Variants in LRMDA observed in about 807,000 individuals in gnomAD.
LRMDA encodes leucine-rich melanocyte differentiation-associated protein.
A neutral mutation model predicts 29.8 loss-of-function variants in LRMDA; 18 were observed. The ratio of observed to expected loss-of-function variants is 0.60; its 90% CI spans 0.42 to 0.90. The LOEUF is 0.90. Ranked by LOEUF, LRMDA falls within the 40% of genes least tolerant of loss-of-function variation. The pLI is 0.00. For synonymous variants in LRMDA, 125 were observed against 109.4 expected, an observed-to-expected ratio of 1.14 and a Z score of -0.89; for missense variants, 273 against 273.9, an observed-to-expected ratio of 1.00 and a Z score of 0.02.
At chr10:76,001,480 A>G (rs774123270) in intron 2 of LRMDA, among the ~76,000 whole-genome samples, 38 of 152,196 alleles carry the variant, frequency 2.5e-4, no homozygotes, top group Non-Finnish European at 8.8e-5. Flanking sequence ...TCATTTTTAT[A>G]GTTTTGAAGT....
intron 5 of LRMDA, among the ~76,000 whole-genome samples, chr10:76,171,670 T>C (rs76647307): frequency 1.3e-5 from 2 of 152,178 alleles, no homozygotes; most frequent in Admixed American, 1.3e-4. Context: ...GGGTGATTCT[T>C]TAAGTTGGTG....
At chr10:76,440,894 T>C (rs1191679854) in intron 6 of LRMDA, among the ~76,000 whole-genome samples, 1 of 152,206 alleles carries the variant, frequency 6.6e-6, no homozygotes, top group Non-Finnish European at 1.5e-5. Flanking sequence ...CCCTTCATCA[T>C]GTGTCTATGA....
At chr10:76,098,772 A>G (rs1002214844) in intron 5 of LRMDA, among the ~76,000 whole-genome samples, 1 of 152,178 alleles carries the variant, frequency 6.6e-6, no homozygotes, top group Admixed American at 6.5e-5. Flanking sequence ...GGGAGACTGG[A>G]GTTTTATTAT....
chr10:75,457,966 G>T (rs936686373), intron 2 of LRMDA, among the ~76,000 whole-genome samples: 2 of 152,158 alleles, frequency 1.3e-5, no homozygotes, highest in Non-Finnish European at 2.9e-5. Context: ...AGAAGCTGGG[G>T]TATTTCTGGC....
intron 2 of LRMDA, among the ~76,000 whole-genome samples, chr10:75,800,139 T>C (rs1843723306): frequency 6.6e-6 from 1 of 152,220 alleles, no homozygotes; most frequent in Admixed American, 6.5e-5. Flanking sequence ...GTCTAGTTTT[T>C]GTGTCATCTG....
At chr10:75,485,021 G>T (rs1458821842) in intron 2 of LRMDA, among the ~76,000 whole-genome samples, 1 of 152,208 alleles carries the variant, frequency 6.6e-6, no homozygotes, top group African/African-American at 2.4e-5. Flanking sequence ...AGTTCAGATA[G>T]AATTTGTTAT....
chr10:76,119,172 G>A (rs775153441), intron 5 of LRMDA, among the ~76,000 whole-genome samples: 2 of 151,868 alleles, frequency 1.3e-5, no homozygotes, highest in Non-Finnish European at 2.9e-5. Context: ...TTGTAAAAGA[G>A]GAGGCATTTG....
At chr10:76,072,219 C>G (rs999030172) in intron 5 of LRMDA, among the ~76,000 whole-genome samples, 3 of 152,106 alleles carry the variant, frequency 2.0e-5, no homozygotes, top group Non-Finnish European at 2.9e-5. Flanking sequence ...CTGAGTATAT[C>G]GAAGATGCAG....
At chr10:75,947,341 G>A (rs1312012815) in intron 2 of LRMDA, among the ~76,000 whole-genome samples, 1 of 152,208 alleles carries the variant, frequency 6.6e-6, no homozygotes, top group Non-Finnish European at 1.5e-5. Context: ...CTGATGAGCT[G>A]AGATCACAGG....
rs71024568 is a variant in LRMDA, at chr10:75,802,932, A to ATG, written c.132-233054_132-233053dup. Among the ~76,000 whole-genome samples the ATG allele has an allele frequency of 6.0e-3, 821 of 136,044 alleles. 7 individuals are homozygous for ATG. The highest frequency in any genetic ancestry group is 0.017 in the African/African-American group (619 of 37,014). 89.3% of individuals were successfully genotyped at this position (136,044 alleles called of 152,430 possible). A position where few individuals can be genotyped will look rare whatever the true frequency, so the allele number is the denominator to read the frequency against. On this transcript the variant is annotated intron_variant, in intron 2 of 6. Coordinates refer to ENST00000611255, the MANE Select transcript of LRMDA (RefSeq NM_001305581.2). Reference sequence around the variant, plus strand: ...GACCTGATGCATGCATTAATACATTATGTGTGTGTGTGTGTGTGTGTGTAT... The same window carrying ATG: ...GACCTGATGCATGCATTAATACATTATGTGTGTGTGTGTGTGTGTGTGTGTAT...
At chr10:75,990,949 T>C (rs947706994) in intron 2 of LRMDA, among the ~76,000 whole-genome samples, 1 of 152,140 alleles carries the variant, frequency 6.6e-6, no homozygotes, top group Non-Finnish European at 1.5e-5. Context: ...AAGTCTTCCC[T>C]AAGTTAGTAC....
intron 6 of LRMDA, among the ~76,000 whole-genome samples, chr10:76,412,201 A>G (rs1841969226): frequency 6.6e-6 from 1 of 152,166 alleles, no homozygotes; most frequent in African/African-American, 2.4e-5. Flanking sequence ...TGGTTAAGAA[A>G]AGGTGCTTGT....
chr10:76,130,310 C>A (rs1458052485), intron 5 of LRMDA, among the ~76,000 whole-genome samples: 1 of 152,100 alleles, frequency 6.6e-6, no homozygotes, highest in African/African-American at 2.4e-5. Context: ...AGTAAGGAAC[C>A]CCATTTGGGT....
At chr10:75,737,077 ACG>A (rs1491130020) in intron 2 of LRMDA, among the ~76,000 whole-genome samples, 1 of 151,454 alleles carries the variant, frequency 6.6e-6, no homozygotes, top group African/African-American at 2.4e-5. Flanking sequence ...ACACACACAC[ACG>A]CACATGCATG....
chr10:76,176,360 T>C (rs1240583921), intron 5 of LRMDA, among the ~76,000 whole-genome samples: 1 of 152,152 alleles, frequency 6.6e-6, no homozygotes, highest in African/African-American at 2.4e-5. Context: ...TGAATACCGA[T>C]TACAATAGAA....
At chr10:75,637,085 T>C (rs1367121398) in intron 2 of LRMDA, among the ~76,000 whole-genome samples, 1 of 152,242 alleles carries the variant, frequency 6.6e-6, no homozygotes. Context: ...CAATTTGAGG[T>C]TCTACAGAAA....
intron 2 of LRMDA, among the ~76,000 whole-genome samples, chr10:75,933,337 C>G (rs1456323844): frequency 1.3e-5 from 2 of 152,132 alleles, no homozygotes. Context: ...TGATTCATTA[C>G]TAATGGAGAA....
chr10:76,204,290 T>C (rs1406430014), intron 5 of LRMDA, among the ~76,000 whole-genome samples: 1 of 138,944 alleles, frequency 7.2e-6, no homozygotes, highest in African/African-American at 2.7e-5. Context: ...TTCATGTGCC[T>C]GTCCACCCAT....
At chr10:75,775,451 A>C (rs2132238164) in intron 2 of LRMDA, among the ~76,000 whole-genome samples, 1 of 152,348 alleles carries the variant, frequency 6.6e-6, no homozygotes, top group East Asian at 1.9e-4. Context: ...CAGCTTGCAA[A>C]GAAATGAGCG....
Sources: gnomAD v4.1 joint callset for allele counts (sites outside exome capture counted in the v4.1 genomes callset) on GRCh38, gnomAD v4.1.1 for gene constraint, MANE v1.5 for transcripts, NCBI Gene and HGNC (gene_info 2026-07-23, HGNC 2026-07-21) for gene names.